WFDC6: variants seen among roughly 807,000 people sequenced by gnomAD.
WFDC6 encodes WAP four-disulfide core domain 6.
WFDC6 carries 10 observed loss-of-function variants against 8.2 expected under a neutral mutation model. That is an observed-to-expected ratio of 1.22 (90% CI 0.75 to 2.07). The LOEUF (loss-of-function observed/expected upper bound fraction) is 2.07. Among genes scored for constraint, WFDC6 ranks in the 30% most tolerant of loss-of-function variants. The pLI is 0.00. For synonymous variants in WFDC6, 28 were observed against 37.0 expected, an observed-to-expected ratio of 0.76 and a Z score of 0.88; for missense variants, 105 against 104.9, an observed-to-expected ratio of 1.00 and a Z score of 0.00.
At chr20:45,539,234 C>T in intron 1 of WFDC6, 83 bp downstream of exon 1, 1 of 1,379,968 alleles carries the variant, frequency 7.2e-7, no homozygotes, top group Non-Finnish European at 1.0e-6. Context: ...AAAATAATTT[C>T]TCAGCTGCAA....
In WFDC6 at chr20:45,534,367, A is replaced by C; in HGVS notation, c.*100T>G. 1 of 1,384,464 alleles carries C rather than the reference A, an allele frequency of 7.2e-7. No homozygotes were observed. The highest frequency in any genetic ancestry group is 1.4e-5 in the African/African-American group (1 of 70,286). 85.8% of individuals were successfully genotyped at this position (1,384,464 alleles called of 1,614,324 possible). A position where few individuals can be genotyped will look rare whatever the true frequency, so the allele number is the denominator to read the frequency against. On this transcript the variant is annotated 3_prime_UTR_variant, in exon 3 of 3. Coordinates refer to ENST00000372670, the MANE Select transcript of WFDC6 (RefSeq NM_080827.2). ...AGTGTGTAAGCAATTCCTGGGGTTC[A>C]GTTTCTGGAACAGCCAAGGTTTGGC...
intron 2 of WFDC6, chr20:45,535,126 G>A (rs1178455656): frequency 1.6e-6 from 2 of 1,289,550 alleles, no homozygotes; most frequent in South Asian, 2.6e-5. Context: ...GTGTGGCCTT[G>A]GTGAGCACAG....
chr20:45,537,251 A>T (rs1176821426), intron 2 of WFDC6: 1 of 463,390 alleles, frequency 2.2e-6, no homozygotes, highest in Admixed American at 3.3e-5. Flanking sequence ...GCCTTTGCAC[A>T]TCCTATTATC....
chr20:45,534,635 G>A (rs1979296348), intron 2 of WFDC6, 130 bp from the exon 3 acceptor site: 7 of 1,061,694 alleles, frequency 6.6e-6, no homozygotes, highest in Middle Eastern at 2.1e-4. Flanking sequence ...ATGAAGGTGA[G>A]TTTGGGGGCT....
At chr20:45,535,077 C>T (rs1262551206) in intron 2 of WFDC6, 2 of 1,224,462 alleles carry the variant, frequency 1.6e-6, no homozygotes, top group African/African-American at 3.2e-5. Context: ...CAGCGCCACC[C>T]AGGTCTTGGA....
chr20:45,537,869 G>A lies in WFDC6; in HGVS notation c.222+95C>T, dbSNP rs1979425106. The A allele has an allele frequency of 1.6e-5, 26 of 1,581,632 alleles. No individual in the cohort carries two copies. In the South Asian group the frequency reaches 2.5e-4, roughly 15 times the overall value. ...AGATGTACCTAAACTCTTGGTCAGA[G>A]ACCAGCCATCAGTGAACTAGGAGAC... On this transcript the variant is annotated intron_variant, in intron 2 of 2. Transcript: ENST00000372670.
At chr20:45,538,711 C>T (rs367950105) in intron 1 of WFDC6, among the ~76,000 whole-genome samples, 28 of 152,134 alleles carry the variant, frequency 1.8e-4, no homozygotes, top group African/African-American at 6.8e-4. Context: ...ATTTTGTAAA[C>T]AGAAGAATTG....
In WFDC6 at chr20:45,534,230, A is replaced by C. The variant is rs1979283446; in HGVS notation, c.*237T>G. ...ACAGAGCACTTTATTAAGGCAACTGAAGCCTTCATACAAATAAATGGGGGG... is the reference window on the plus strand; with the variant it reads ...ACAGAGCACTTTATTAAGGCAACTGCAGCCTTCATACAAATAAATGGGGGG... On this transcript the variant is annotated 3_prime_UTR_variant, in exon 3 of 3. Transcript: ENST00000372670. 1.7e-6 allele frequency: 1 copy of C among 579,704 alleles called. No homozygotes were observed. The highest frequency in any genetic ancestry group is 3.1e-6 in the Non-Finnish European group (1 of 323,778). The allele number at this position is 579,704 out of a possible 1,614,324, so 35.9% of individuals were successfully genotyped here. A position where few individuals can be genotyped will look rare whatever the true frequency, so the allele number is the denominator to read the frequency against.
intron 2 of WFDC6, chr20:45,535,248 A>G: frequency 1.5e-6 from 2 of 1,304,226 alleles, no homozygotes; most frequent in Non-Finnish European, 2.0e-6. Context: ...AATTCGGAGC[A>G]GATCTTAGTT....
intron 2 of WFDC6, chr20:45,537,568 G>A: frequency 6.5e-7 from 1 of 1,549,548 alleles, no homozygotes; most frequent in Non-Finnish European, 8.7e-7. Context: ...AAAAAGCCAG[G>A]AAATACAGAT....
At position 45,539,399 on chromosome 20, in the gene WFDC6, G is replaced by C; in HGVS notation, c.9C>G (p.Leu3=). The change falls in exon 1 of 3, where the codon CTC becomes CTG. Residue 3 remains leucine, a synonymous_variant. Transcript: ENST00000372670. MG[L]SGLLPILVPF... ...GTACCAGGATTGGCAGAAGTCCTGAGAGTCCCATTTTAGGAAGTACTGGCC... is the reference window on the plus strand; with the variant it reads ...GTACCAGGATTGGCAGAAGTCCTGACAGTCCCATTTTAGGAAGTACTGGCC... The C allele has an allele frequency of 6.2e-7, 1 of 1,613,790 alleles. No individual in the cohort carries two copies. The highest frequency in any genetic ancestry group is 8.5e-7 in the Non-Finnish European group (1 of 1,179,778).
Position 45,539,315 on chromosome 20 carries a change from A to G in WFDC6, c.91+2T>C. ...TGCAAGGACGGAGTTCCCAATACTT[A>G]CTGCCAAGGATGCCTTCAGCGTGCC... On this transcript the variant is annotated splice_donor_variant, in intron 1 of 2. Transcript: ENST00000372670. LOFTEE classifies it high-confidence loss of function. 1 of 1,613,522 alleles carries G rather than the reference A, an allele frequency of 6.2e-7. No homozygotes were observed. Among genetic ancestry groups the G allele is most frequent in the Non-Finnish European group, 8.5e-7 (1 of 1,179,654 alleles).
At position 45,534,349 on chromosome 20, in the gene WFDC6, A is replaced by T; in HGVS notation, c.*118T>A. The T allele has an allele frequency of 8.5e-7, 1 of 1,180,452 alleles. No individual in the cohort carries two copies. Among genetic ancestry groups the T allele is most frequent in the Non-Finnish European group, 1.3e-6 (1 of 786,452 alleles). The allele number at this position is 1,180,452 out of a possible 1,614,324, so 73.1% of individuals were successfully genotyped here. ...GATGCTACGCTGGAAGAAAGTGTGT[A>T]AGCAATTCCTGGGGTTCAGTTTCTG... is the stretch of plus-strand genomic sequence containing the variant. On this transcript the variant is annotated 3_prime_UTR_variant, in exon 3 of 3. Coordinates refer to ENST00000372670, the MANE Select transcript of WFDC6 (RefSeq NM_080827.2).
Position 45,539,305 on chromosome 20 carries a change from C to G in WFDC6, c.91+12G>C. 6.2e-7 allele frequency: 1 copy of G among 1,613,324 alleles called. No individual in the cohort carries two copies. The highest frequency in any genetic ancestry group is 1.7e-4 in the Middle Eastern group (1 of 6,056). ...CTTTCCCCATTGCAAGGACGGAGTT[C>G]CCAATACTTACTGCCAAGGATGCCT... On this transcript the variant is annotated intron_variant, in intron 1 of 2. Coordinates refer to ENST00000372670, the MANE Select transcript of WFDC6 (RefSeq NM_080827.2).
At chr20:45,537,842 G>A (rs1027140839) in intron 2 of WFDC6, 122 bp downstream of exon 2, 13 of 1,538,860 alleles carry the variant, frequency 8.4e-6, no homozygotes, top group African/African-American at 1.4e-5. Flanking sequence ...GTGTCAAGTA[G>A]AAGATGTACC....
At chr20:45,537,926 G>T (rs1454277435) in intron 2 of WFDC6, 38 bp downstream of exon 2, 2 of 1,613,596 alleles carry the variant, frequency 1.2e-6, no homozygotes, top group Admixed American at 1.7e-5. Flanking sequence ...GAGATAGGAG[G>T]TGAGGGCACT....
At chr20:45,535,977 C>G (rs1264277202) in intron 2 of WFDC6, among the ~76,000 whole-genome samples, 1 of 152,244 alleles carries the variant, frequency 6.6e-6, no homozygotes, top group African/African-American at 2.4e-5. Context: ...CCCCCTCTTG[C>G]TAAGTGAACT....
At chr20:45,537,654 G>A (rs1479366510) in intron 2 of WFDC6, 1 of 1,277,574 alleles carries the variant, frequency 7.8e-7, no homozygotes, top group Non-Finnish European at 1.1e-6. Flanking sequence ...TGACTACTTG[G>A]CATCTCGAGA....
chr20:45,535,209 T>C (rs1258655007), intron 2 of WFDC6: 4 of 1,304,160 alleles, frequency 3.1e-6, no homozygotes, highest in Admixed American at 4.6e-5. Flanking sequence ...TGGAAGTTGT[T>C]ATTGTTCCCC....
Sources: allele counts gnomAD v4.1 joint callset (sites outside exome capture counted in the v4.1 genomes callset), GRCh38; gene constraint gnomAD v4.1.1; transcripts MANE v1.5; gene names NCBI Gene and HGNC (gene_info 2026-07-23, HGNC 2026-07-21).